Variants in ERC1 observed in about 807,000 individuals in gnomAD.
The protein encoded by ERC1 is RAB6 interacting protein 2.
A neutral mutation model predicts 132.0 loss-of-function variants in ERC1; 56 were observed. That is an observed-to-expected ratio of 0.42 (90% CI 0.34 to 0.53). The LOEUF is 0.53. Among genes scored for constraint, ERC1 ranks in the 20% least tolerant of loss-of-function variants. The pLI, the probability that ERC1 is intolerant of heterozygous loss-of-function variation, is 0.03. For missense variants in ERC1, 1,202 were observed against 1,349.9 expected, an observed-to-expected ratio of 0.89 and a Z score of 1.72; for synonymous variants, 478 against 476.1, an observed-to-expected ratio of 1.00 and a Z score of -0.05.
intron 11 of ERC1, among the ~76,000 whole-genome samples, chr12:1,184,410 TG>T (rs563252157): frequency 2.6e-5 from 4 of 152,212 alleles, no homozygotes; most frequent in Non-Finnish European, 5.9e-5. Flanking sequence ...GTCTATTTTT[TG>T]GTTTATAGCT....
In ERC1 at chr12:1,001,461, C is replaced by G. The variant is rs144248251; in HGVS notation, c.-157+10139C>G. On this transcript the variant is annotated intron_variant, in intron 1 of 18. Coordinates refer to ENST00000360905, the MANE Select transcript of ERC1 (RefSeq NM_178040.4). ...ACACTTGTATAACCATGATGTAGGTCAAGCACTAGGACCTTACTGACATTC... is the reference window on the plus strand; with the variant it reads ...ACACTTGTATAACCATGATGTAGGTGAAGCACTAGGACCTTACTGACATTC... 5.4e-3 allele frequency among the ~76,000 whole-genome samples: 829 copies of G among 152,330 alleles called. 3 individuals are homozygous for G. Among genetic ancestry groups the G allele is most frequent in the South Asian group, 0.012 (57 of 4,830 alleles).
Position 1,083,257 on chromosome 12 carries a change from G to A in ERC1, c.763G>A (p.Gly255Ser). ...LFQQDSSSRT[G>S]EPCVAELTEE... is the part of the protein sequence containing the mutation. ...TCAGCAGGATAGTAGCAGCAGGACT[G>A]GCGAACCTTGTGTAGCAGAGCTGAC... is the stretch of plus-strand genomic sequence containing the variant. Residue 255 changes from glycine (G) to serine (S), a missense_variant, in exon 3 of 19, where the codon GGC becomes AGC. Gly to Ser is a moderately conservative substitution (Grantham distance 56, BLOSUM62 0). Coordinates refer to ENST00000360905, the MANE Select transcript of ERC1 (RefSeq NM_178040.4). The A allele has an allele frequency of 1.2e-6, 2 of 1,614,202 alleles. No individual in the cohort carries two copies. The highest frequency in any genetic ancestry group is 1.7e-6 in the Non-Finnish European group (2 of 1,180,024).
intron 14 of ERC1, among the ~76,000 whole-genome samples, chr12:1,272,047 G>C (rs1471431167): frequency 6.6e-6 from 1 of 152,204 alleles, no homozygotes; most frequent in Non-Finnish European, 1.5e-5. Context: ...TAATGGCGAA[G>C]AAGGTGGACT....
At chr12:1,479,402 C>T (rs1220164624) in intron 18 of ERC1, among the ~76,000 whole-genome samples, 1 of 152,140 alleles carries the variant, frequency 6.6e-6, no homozygotes, top group African/African-American at 2.4e-5. Flanking sequence ...GCTTCCAATC[C>T]TTAATCATGT....
chr12:1,110,279 G>C lies in ERC1; in HGVS notation c.1249G>C (p.Glu417Gln). The C allele has an allele frequency of 1.2e-6, 2 of 1,613,632 alleles. No individual in the cohort carries two copies. The highest frequency in any genetic ancestry group is 1.7e-6 in the Non-Finnish European group (2 of 1,179,754). The change falls in exon 5 of 19, where the codon GAG becomes CAG. Residue 417 changes from glutamate (E) to glutamine (Q), a missense_variant. Coordinates refer to ENST00000360905, the MANE Select transcript of ERC1 (RefSeq NM_178040.4). ...MLKSNGALST[E>Q]EREEEMKQME... Reference sequence around the variant, plus strand: ...GAAATCGAATGGTGCTTTGAGTACTGAGGAAAGGGAAGAAGAAATGAAGCA... The same window carrying C: ...GAAATCGAATGGTGCTTTGAGTACTCAGGAAAGGGAAGAAGAAATGAAGCA...
intron 2 of ERC1, among the ~76,000 whole-genome samples, chr12:1,052,734 C>T (rs1972237899): frequency 6.6e-6 from 1 of 152,056 alleles, no homozygotes. Context: ...TTTTGGGAGG[C>T]GGAGGAGGGC....
chr12:1,446,413 T>G (rs7132447), intron 18 of ERC1, among the ~76,000 whole-genome samples: 5 of 152,120 alleles, frequency 3.3e-5, no homozygotes, highest in Non-Finnish European at 5.9e-5. Flanking sequence ...CTGATAGAAG[T>G]CAGTGATATT....
intron 15 of ERC1, among the ~76,000 whole-genome samples, chr12:1,360,452 A>G (rs2085982378): frequency 6.6e-6 from 1 of 152,218 alleles, no homozygotes; most frequent in South Asian, 2.1e-4. Flanking sequence ...TTTCTTGGAA[A>G]TTGCTTTCAG....
At chr12:1,037,067 C>T (rs1592851195) in intron 2 of ERC1, among the ~76,000 whole-genome samples, 1 of 152,246 alleles carries the variant, frequency 6.6e-6, no homozygotes, top group East Asian at 1.9e-4. Context: ...GGGAAATTTG[C>T]TTCTTTTACA....
chr12:1,067,267 T>A (rs1939389836), intron 2 of ERC1, among the ~76,000 whole-genome samples: 1 of 152,256 alleles, frequency 6.6e-6, no homozygotes, highest in South Asian at 2.1e-4. Flanking sequence ...AAAATGCCAG[T>A]GTTTCTGCTA....
intron 17 of ERC1, among the ~76,000 whole-genome samples, chr12:1,439,706 G>C (rs2093048653): frequency 6.6e-6 from 1 of 152,176 alleles, no homozygotes; most frequent in Admixed American, 6.5e-5. Context: ...CCACATATCT[G>C]ATGATTTTTA....
chr12:1,178,036 C>T (rs569255038), intron 8 of ERC1, among the ~76,000 whole-genome samples: 15 of 152,264 alleles, frequency 9.9e-5, no homozygotes, highest in Non-Finnish European at 1.5e-4. Context: ...AGGCTTTGGT[C>T]TCTTACTGGG....
At chr12:1,074,399 C>G (rs551200430) in intron 2 of ERC1, among the ~76,000 whole-genome samples, 1 of 152,062 alleles carries the variant, frequency 6.6e-6, no homozygotes, top group South Asian at 2.1e-4. Flanking sequence ...CTCCTGGGTG[C>G]AAGCGATTTT....
At chr12:1,366,799 A>G (rs2086701842) in intron 15 of ERC1, among the ~76,000 whole-genome samples, 1 of 152,188 alleles carries the variant, frequency 6.6e-6, no homozygotes, top group Non-Finnish European at 1.5e-5. Flanking sequence ...ATCCAGGAAT[A>G]TGATGGCTCT....
intron 13 of ERC1, among the ~76,000 whole-genome samples, chr12:1,256,700 A>C (rs1025345286): frequency 6.6e-6 from 1 of 150,886 alleles, no homozygotes; most frequent in Non-Finnish European, 1.5e-5. Context: ...TTCCTGACAT[A>C]ATGCATATCT....
intron 1 of ERC1, among the ~76,000 whole-genome samples, chr12:1,023,693 T>A (rs962996885): frequency 1.3e-5 from 2 of 152,050 alleles, no homozygotes; most frequent in African/African-American, 4.8e-5. Context: ...AACATAGGGA[T>A]GAAGATCAGA....
rs1555236298 is a variant in ERC1 at position 1,093,981 on chromosome 12, A to ATATATATATATATT, written c.1086+10405_1086+10406insTATATATATTTATA. Among the ~76,000 whole-genome samples, 12 of 131,980 alleles carry ATATATATATATATT rather than the reference A, an allele frequency of 9.1e-5. 1 individual carries two copies. The highest frequency in any genetic ancestry group is 2.5e-4 in the South Asian group (1 of 4,060). 86.6% of individuals were successfully genotyped at this position (131,980 alleles called of 152,430 possible). A position where few individuals can be genotyped will look rare whatever the true frequency, so the allele number is the denominator to read the frequency against. On this transcript the variant is annotated intron_variant, in intron 3 of 18. Transcript: ENST00000360905. ...TCTATATATATATATATATATATATATATAGAAAAACATAGAAAATGAATA... is the reference window on the plus strand; with the variant it reads ...TCTATATATATATATATATATATATATATATATATATATTTATAGAAAAACATAGAAAATGAATA...
chr12:1,143,196 A>T (rs1014033284), intron 8 of ERC1, among the ~76,000 whole-genome samples: 1 of 152,076 alleles, frequency 6.6e-6, no homozygotes, highest in Non-Finnish European at 1.5e-5. Flanking sequence ...GAGCCACTGC[A>T]CCAGCCCACC....
intron 1 of ERC1, among the ~76,000 whole-genome samples, chr12:992,637 T>A (rs946876790): frequency 6.6e-6 from 1 of 152,336 alleles, no homozygotes; most frequent in African/African-American, 2.4e-5. Context: ...TATGGAAATA[T>A]TAGAGTAAGC....
Sources: allele counts gnomAD v4.1 joint callset (sites outside exome capture counted in the v4.1 genomes callset), GRCh38; gene constraint gnomAD v4.1.1; transcripts MANE v1.5; gene names NCBI Gene and HGNC (gene_info 2026-07-23, HGNC 2026-07-21).